GRK3: variants seen among roughly 807,000 people sequenced by gnomAD.
GRK3 encodes the protein adrenergic, beta, receptor kinase 2.
Under a neutral mutation model 95.7 loss-of-function variants are expected in GRK3, and 54 were observed. The observed-to-expected ratio is 0.56, with a 90% CI of 0.45 to 0.71. The LOEUF (loss-of-function observed/expected upper bound fraction) is 0.71, where lower values mean the gene tolerates loss of function less well. GRK3 is among the 30% of genes least tolerant of loss of function. GRK3 has a pLI of 0.00. For synonymous variants in GRK3, 281 were observed against 290.8 expected (o/e 0.97, Z 0.34); for missense variants, 649 against 851.2 (o/e 0.76, Z 2.96).
intron 8 of GRK3, among the ~76,000 whole-genome samples, chr22:25,676,123 A>G (rs1216279469): frequency 3.3e-5 from 5 of 152,194 alleles, no homozygotes; most frequent in African/African-American, 9.7e-5. Context: ...GTACAAGGAA[A>G]TTAGAGTATA....
chr22:25,594,155 T>A (rs1421268327), intron 1 of GRK3, among the ~76,000 whole-genome samples: 1 of 152,250 alleles, frequency 6.6e-6, no homozygotes, highest in African/African-American at 2.4e-5. Context: ...ATTGGTAGTT[T>A]GATAGCAATA....
chr22:25,571,421 T>C (rs1278134547), intron 1 of GRK3, among the ~76,000 whole-genome samples: 1 of 152,224 alleles, frequency 6.6e-6, no homozygotes, highest in Non-Finnish European at 1.5e-5. Flanking sequence ...ATTTTCTGTC[T>C]ATGCAATACA....
At chr22:25,652,724 A>G (rs1342035584) in intron 3 of GRK3, among the ~76,000 whole-genome samples, 1 of 152,220 alleles carries the variant, frequency 6.6e-6, no homozygotes, top group African/African-American at 2.4e-5. Flanking sequence ...TTAGGCCAAC[A>G]AAAGACCACG....
At position 25,568,049 on chromosome 22, in the gene GRK3, T is replaced by G. The variant is rs187940028; in HGVS notation, c.113+2896T>G. On this transcript the variant is annotated intron_variant, in intron 1 of 20. Transcript: ENST00000324198. ...GTCCAAATGGTATAGCTGCTTTAGT[T>G]TACTGAAATGTTGTTGAGCTAATGT... Among the ~76,000 whole-genome samples the G allele has an allele frequency of 7.9e-5, 12 of 152,350 alleles. No homozygotes were observed. The East Asian group carries it at 2.3e-3, about 29-fold the overall frequency.
At chr22:25,660,968 A>C (rs901408818) in intron 3 of GRK3, among the ~76,000 whole-genome samples, 3 of 152,218 alleles carry the variant, frequency 2.0e-5, no homozygotes, top group African/African-American at 7.2e-5. Flanking sequence ...AATACAGCAA[A>C]ATACACGATT....
At chr22:25,672,039 T>C (rs2084986662) in intron 6 of GRK3, among the ~76,000 whole-genome samples, 1 of 152,218 alleles carries the variant, frequency 6.6e-6, no homozygotes, top group South Asian at 2.1e-4. Flanking sequence ...ATCATCTCCG[T>C]ATTGGACTCT....
chr22:25,602,359 A>G (rs142896464), intron 1 of GRK3, among the ~76,000 whole-genome samples: 147 of 152,366 alleles, frequency 9.6e-4, no homozygotes, highest in African/African-American at 3.4e-3. Context: ...TGGAACTATC[A>G]TACATTGTTG....
At chr22:25,588,211 A>T (rs529659321) in intron 1 of GRK3, among the ~76,000 whole-genome samples, 24 of 152,204 alleles carry the variant, frequency 1.6e-4, no homozygotes, top group African/African-American at 5.5e-4. Context: ...CTGTTTGGGG[A>T]TGATTTTTGT....
At chr22:25,616,751 G>A (rs2084542417) in intron 2 of GRK3, among the ~76,000 whole-genome samples, 1 of 152,172 alleles carries the variant, frequency 6.6e-6, no homozygotes, top group Non-Finnish European at 1.5e-5. Context: ...AAAGGGTTGT[G>A]GGGAGAAGTG....
At chr22:25,678,473 AAAAC>A (rs1428087428) in intron 8 of GRK3, among the ~76,000 whole-genome samples, 1 of 152,196 alleles carries the variant, frequency 6.6e-6, no homozygotes, top group Non-Finnish European at 1.5e-5. Context: ...CAAAAAACAA[AAAAC>A]AAACAATTGA....
rs143244437 is a variant in GRK3, at chr22:25,630,595, C to T, written c.191-13997C>T. The stretch of plus-strand genomic sequence containing the variant: ...GTTTGATAGAATTTTCTCGCCCCTA[C>T]ATTCTTACATTTCCCTCCCAGTCCC... On this transcript the variant is annotated intron_variant, in intron 2 of 20. Coordinates refer to ENST00000324198, the MANE Select transcript of GRK3 (RefSeq NM_005160.4). 1.5e-3 allele frequency among the ~76,000 whole-genome samples: 223 copies of T among 152,312 alleles called. 1 individual carries two copies. The highest frequency in any genetic ancestry group is 4.8e-3 in the African/African-American group (198 of 41,572).
chr22:25,661,415 A>G (rs1014264384), intron 3 of GRK3, among the ~76,000 whole-genome samples, 161 bp from the exon 4 acceptor site: 5 of 152,240 alleles, frequency 3.3e-5, no homozygotes, highest in African/African-American at 9.6e-5. Context: ...TTCCAACTTC[A>G]TTATTACAAC....
At chr22:25,606,560 G>A (rs569324783) in intron 2 of GRK3, among the ~76,000 whole-genome samples, 1 of 152,042 alleles carries the variant, frequency 6.6e-6, no homozygotes, top group Non-Finnish European at 1.5e-5. Flanking sequence ...GACTCCATGC[G>A]TTCCTGCCCT....
rs539375303 is a variant in GRK3, at chr22:25,669,493, C to T, written c.503+1693C>T. 1.2e-4 allele frequency among the ~76,000 whole-genome samples: 18 copies of T among 152,322 alleles called. No individual in the cohort carries two copies. In the South Asian group the frequency reaches 3.5e-3, roughly 30 times the overall value. On this transcript the variant is annotated intron_variant, in intron 6 of 20. Transcript: ENST00000324198. ...TACTCCACCCTTACTGCATCCCAGG[C>T]GTTTCCATGTCTTTAACCTCTGATC...
intron 1 of GRK3, among the ~76,000 whole-genome samples, chr22:25,585,525 C>G (rs1932269722): frequency 6.6e-6 from 1 of 152,198 alleles, no homozygotes; most frequent in Admixed American, 6.5e-5. Context: ...CACACACAGG[C>G]AAGCTATGAG....
intron 2 of GRK3, among the ~76,000 whole-genome samples, chr22:25,618,722 ATTTT>A (rs5844650): frequency 7.3e-6 from 1 of 136,220 alleles, no homozygotes; most frequent in Admixed American, 7.2e-5. Flanking sequence ...GTACCTCTTC[ATTTT>A]TTTTTTTTTT....
intron 1 of GRK3, among the ~76,000 whole-genome samples, chr22:25,586,000 T>C (rs1041391251): frequency 2.0e-5 from 3 of 152,288 alleles, no homozygotes; most frequent in African/African-American, 7.2e-5. Context: ...TATAAATGAA[T>C]TAGTCTTACT....
intron 2 of GRK3, among the ~76,000 whole-genome samples, chr22:25,609,104 C>T (rs1196378012): frequency 6.6e-6 from 1 of 152,128 alleles, no homozygotes; most frequent in Admixed American, 6.5e-5. Flanking sequence ...TAAGGGGATA[C>T]TGGTTATTGA....
intron 3 of GRK3, among the ~76,000 whole-genome samples, chr22:25,656,802 C>A (rs2084874972): frequency 6.6e-6 from 1 of 152,186 alleles, no homozygotes; most frequent in Non-Finnish European, 1.5e-5. Context: ...TCAAAACCTA[C>A]TCAAAACTCA....
Sources: gnomAD v4.1 joint callset for allele counts (sites outside exome capture counted in the v4.1 genomes callset) on GRCh38, gnomAD v4.1.1 for gene constraint, MANE v1.5 for transcripts, NCBI Gene and HGNC (gene_info 2026-07-23, HGNC 2026-07-21) for gene names.